Variants in HHAT observed in about 807,000 individuals in gnomAD.
The protein encoded by HHAT is hedgehog acyltransferase, also known as protein-cysteine N-palmitoyltransferase HHAT.
HHAT carries 47 observed loss-of-function variants against 70.8 expected under a neutral mutation model. The ratio of observed to expected loss-of-function variants is 0.66; its 90% CI spans 0.53 to 0.85. HHAT has a LOEUF of 0.85. Ranked by LOEUF, HHAT falls within the 40% of genes least tolerant of loss-of-function variation. The pLI is 0.00. For missense variants in HHAT, 609 were observed against 604.8 expected, an observed-to-expected ratio of 1.01 and a Z score of -0.07; for synonymous variants, 228 against 247.6, an observed-to-expected ratio of 0.92 and a Z score of 0.74.
At chr1:210,381,767 A>C (rs1572038865) in intron 3 of HHAT, among the ~76,000 whole-genome samples, 1 of 152,200 alleles carries the variant, frequency 6.6e-6, no homozygotes, top group African/African-American at 2.4e-5. Context: ...CTGATTACAA[A>C]AAAAATCCAA....
chr1:210,648,827 G>A (rs1298127207), intron 11 of HHAT, among the ~76,000 whole-genome samples: 1 of 152,222 alleles, frequency 6.6e-6, no homozygotes, highest in African/African-American at 2.4e-5. Context: ...AGGTCTGAAT[G>A]TGCATTATGC....
At chr1:210,332,801 A>AC (rs2085109354) in intron 1 of HHAT, among the ~76,000 whole-genome samples, 2 of 152,208 alleles carry the variant, frequency 1.3e-5, no homozygotes, top group African/African-American at 4.8e-5. Flanking sequence ...GTTGCAATGA[A>AC]CCTGTAATTT....
intron 1 of HHAT, among the ~76,000 whole-genome samples, chr1:210,343,120 G>A (rs903338066): frequency 1.3e-5 from 2 of 152,034 alleles, no homozygotes; most frequent in Non-Finnish European, 2.9e-5. Flanking sequence ...AAGAATGCTG[G>A]GGGGCAGTCA....
chr1:210,560,814 TAAAAA>T (rs60192211), intron 9 of HHAT, among the ~76,000 whole-genome samples: 1,581 of 28,518 alleles, frequency 0.055, 79 homozygotes, highest in African/African-American at 0.11. Flanking sequence ...CCCTGTGTCT[TAAAAA>T]AAAAAAAAAA....
At chr1:210,622,136 A>G (rs557916656) in intron 10 of HHAT, among the ~76,000 whole-genome samples, 1 of 152,142 alleles carries the variant, frequency 6.6e-6, no homozygotes, top group African/African-American at 2.4e-5. Flanking sequence ...TCGCCCTCCA[A>G]TTTAGTCCTT....
chr1:210,587,279 T>A (rs530243513), intron 9 of HHAT, among the ~76,000 whole-genome samples: 1 of 151,984 alleles, frequency 6.6e-6, no homozygotes, highest in South Asian at 2.1e-4. Flanking sequence ...TGGCAGAAGG[T>A]GAAGGAGAAG....
At chr1:210,424,451 T>G (rs1249726943) in intron 7 of HHAT, among the ~76,000 whole-genome samples, 1 of 151,860 alleles carries the variant, frequency 6.6e-6, no homozygotes, top group East Asian at 1.9e-4. Flanking sequence ...TTTTTAACTC[T>G]CTGTGTTCAG....
intron 2 of HHAT, among the ~76,000 whole-genome samples, chr1:210,352,932 CTTT>C (rs779828953): frequency 7.3e-6 from 1 of 137,510 alleles, no homozygotes. Flanking sequence ...TCTCTGTTTA[CTTT>C]TTTTTTTTTT....
chr1:210,366,312 G>A (rs2088961149), intron 3 of HHAT, among the ~76,000 whole-genome samples: 1 of 152,102 alleles, frequency 6.6e-6, no homozygotes, highest in Non-Finnish European at 1.5e-5. Flanking sequence ...GATGCTAGCA[G>A]CATTTCCTGC....
chr1:210,419,219 C>A (rs1483758993), intron 7 of HHAT, among the ~76,000 whole-genome samples: 1 of 152,118 alleles, frequency 6.6e-6, no homozygotes, highest in Non-Finnish European at 1.5e-5. Context: ...GAGGGTGTAC[C>A]TTGTACACTG....
intron 9 of HHAT, among the ~76,000 whole-genome samples, chr1:210,570,460 G>A (rs1358768165): frequency 6.6e-6 from 1 of 152,146 alleles, no homozygotes; most frequent in Non-Finnish European, 1.5e-5. Context: ...GGGAACTAGG[G>A]ACTCCTGGAG....
At chr1:210,463,006 A>G (rs1361803687) in intron 7 of HHAT, 1 of 152,234 alleles carries the variant, frequency 6.6e-6, no homozygotes, top group Non-Finnish European at 1.5e-5. Flanking sequence ...TTGAGGTGAG[A>G]GAGCATGTGG....
At chr1:210,562,824 G>A in intron 9 of HHAT, among the ~76,000 whole-genome samples, 1 of 106,590 alleles carries the variant, frequency 9.4e-6, no homozygotes, top group African/African-American at 3.7e-5. Flanking sequence ...CCCCACAACA[G>A]GCCCCAGTGT....
At chr1:210,422,251 A>G (rs1056814314) in intron 7 of HHAT, among the ~76,000 whole-genome samples, 3 of 152,232 alleles carry the variant, frequency 2.0e-5, no homozygotes, top group Non-Finnish European at 4.4e-5. Flanking sequence ...ATCATCACAA[A>G]TAGTTATCAT....
intron 10 of HHAT, among the ~76,000 whole-genome samples, chr1:210,619,548 C>G (rs1271658826): frequency 1.3e-5 from 2 of 152,174 alleles, no homozygotes; most frequent in African/African-American, 4.8e-5. Context: ...AGCAAGAACC[C>G]TGCTCTGTGA....
intron 10 of HHAT, among the ~76,000 whole-genome samples, chr1:210,595,159 C>T (rs1662667649): frequency 6.6e-6 from 1 of 152,090 alleles, no homozygotes; most frequent in Non-Finnish European, 1.5e-5. Context: ...TGTTCCCCTT[C>T]CTGTGTCCAA....
intron 8 of HHAT, among the ~76,000 whole-genome samples, chr1:210,485,549 T>C (rs1276488556): frequency 6.6e-6 from 1 of 152,024 alleles, no homozygotes; most frequent in Admixed American, 6.6e-5. Context: ...TTCACACCAC[T>C]GATAAAGACC....
intron 3 of HHAT, among the ~76,000 whole-genome samples, chr1:210,370,118 C>T (rs527964238): frequency 6.6e-6 from 1 of 151,478 alleles, no homozygotes; most frequent in Non-Finnish European, 1.5e-5. Flanking sequence ...AGAGCTAAAC[C>T]CTTGATTCTA....
intron 9 of HHAT, among the ~76,000 whole-genome samples, chr1:210,563,206 A>ATATTT (rs1440853682): frequency 3.9e-5 from 6 of 152,178 alleles, no homozygotes; most frequent in Admixed American, 2.0e-4. Context: ...GGCATGTGGG[A>ATATTT]TATAGATTCT....
Sources: allele counts gnomAD v4.1 joint callset (sites outside exome capture counted in the v4.1 genomes callset), GRCh38; gene constraint gnomAD v4.1.1; transcripts MANE v1.5; gene names NCBI Gene and HGNC (gene_info 2026-07-23, HGNC 2026-07-21).